The following PLCE1 variants were observed in gnomAD, a reference collection of about 807,000 sequenced individuals.
PLCE1 encodes the protein phospholipase C epsilon 1, also known as 1-phosphatidylinositol 4,5-bisphosphate phosphodiesterase epsilon-1.
Under a neutral mutation model 242.8 loss-of-function variants are expected in PLCE1, and 119 were observed. The ratio of observed to expected loss-of-function variants is 0.49; its 90% confidence interval spans 0.42 to 0.57. The LOEUF is 0.57. Among genes scored for constraint, PLCE1 ranks in the 20% least tolerant of loss-of-function variants. PLCE1 has a pLI of 0.00. For missense variants in PLCE1, 2,441 were observed against 2,788.8 expected, an observed-to-expected ratio of 0.88 and a Z score of 2.81; for synonymous variants, 945 against 1,017.4, an observed-to-expected ratio of 0.93 and a Z score of 1.35.
intron 2 of PLCE1, among the ~76,000 whole-genome samples, chr10:94,101,656 C>T (rs1343955134): frequency 6.6e-6 from 1 of 152,294 alleles, no homozygotes; most frequent in East Asian, 1.9e-4. Context: ...CAGTGGCTGG[C>T]ACAGGAAGAT....
At chr10:94,073,643 T>G (rs1325326876) in intron 2 of PLCE1, among the ~76,000 whole-genome samples, 7 of 152,242 alleles carry the variant, frequency 4.6e-5, no homozygotes, top group Admixed American at 4.6e-4. Context: ...ATGGCAATAC[T>G]GGGCACATGT....
chr10:94,241,789 GAAA>G (rs772085555), intron 7 of PLCE1, among the ~76,000 whole-genome samples: 5 of 67,132 alleles, frequency 7.4e-5, no homozygotes, highest in South Asian at 4.7e-4. Flanking sequence ...TCCATCTCCA[GAAA>G]AAAAAAAAAA....
At chr10:94,051,959 A>G (rs2043777554) in intron 2 of PLCE1, among the ~76,000 whole-genome samples, 1 of 152,220 alleles carries the variant, frequency 6.6e-6, no homozygotes, top group Non-Finnish European at 1.5e-5. Flanking sequence ...AAGTGAACAA[A>G]CAGTTCATTG....
intron 2 of PLCE1, among the ~76,000 whole-genome samples, chr10:94,127,205 C>T (rs2046459968): frequency 6.6e-6 from 1 of 152,146 alleles, no homozygotes; most frequent in Admixed American, 6.6e-5. Context: ...CAAAACGTAC[C>T]GACTTTTCAC....
intron 4 of PLCE1, among the ~76,000 whole-genome samples, chr10:94,204,713 AAAG>A (rs1171523321): frequency 2.0e-5 from 3 of 150,210 alleles, no homozygotes; most frequent in African/African-American, 4.9e-5. Flanking sequence ...GGAAGGAAGA[AAAG>A]AAGGAAGGAA....
At chr10:94,049,691 A>G (rs1236507596) in intron 2 of PLCE1, among the ~76,000 whole-genome samples, 1 of 152,180 alleles carries the variant, frequency 6.6e-6, no homozygotes, top group South Asian at 2.1e-4. Flanking sequence ...AATGTATTTC[A>G]CAAAGTAAAC....
At chr10:94,137,700 T>C (rs1223231663) in intron 3 of PLCE1, 1 of 168,984 alleles carries the variant, frequency 5.9e-6, no homozygotes, top group Non-Finnish European at 1.3e-5. Flanking sequence ...ATGGACCTGC[T>C]GAGGCCAGCA....
chr10:94,294,140 A>T (rs946508363), intron 23 of PLCE1, among the ~76,000 whole-genome samples: 12 of 152,120 alleles, frequency 7.9e-5, no homozygotes, highest in South Asian at 4.1e-4. Context: ...AATAAAAATA[A>T]CATTTCACTG....
In PLCE1 at chr10:94,236,207, A is replaced by C. The variant is rs1318901439; in HGVS notation, c.2420+87A>C. ...GTTTCCTACTTCAGCTTAGTTTCAG[A>C]TGGACACCTCATCAAAACCTGCCAC... On this transcript the variant is annotated intron_variant, in intron 7 of 32. Coordinates refer to ENST00000371380, the MANE Select transcript of PLCE1 (RefSeq NM_016341.4). 23 of 1,094,358 alleles carry C rather than the reference A, an allele frequency of 2.1e-5. 1 individual carries two copies. The highest frequency in any genetic ancestry group is 3.1e-5 in the African/African-American group (2 of 64,414). 67.8% of individuals were successfully genotyped at this position (1,094,358 alleles called of 1,614,324 possible).
chr10:94,032,409 C>A (rs765713501), intron 2 of PLCE1, among the ~76,000 whole-genome samples, 157 bp downstream of exon 2: 14 of 152,000 alleles, frequency 9.2e-5, no homozygotes, highest in Admixed American at 3.3e-4. Flanking sequence ...ACAGATACTC[C>A]AATTGATAGC....
intron 2 of PLCE1, among the ~76,000 whole-genome samples, chr10:94,047,977 A>G (rs183264500): frequency 6.6e-6 from 1 of 152,352 alleles, no homozygotes; most frequent in East Asian, 1.9e-4. Context: ...TGTCAAAAAA[A>G]ACTTCAGATT....
intron 2 of PLCE1, among the ~76,000 whole-genome samples, chr10:94,065,684 T>C (rs2044177688): frequency 6.6e-6 from 1 of 152,214 alleles, no homozygotes; most frequent in Admixed American, 6.5e-5. Context: ...AGGCCTTTAA[T>C]TAATGTTTTC....
At chr10:94,121,367 C>G (rs1322661270) in intron 2 of PLCE1, among the ~76,000 whole-genome samples, 1 of 152,172 alleles carries the variant, frequency 6.6e-6, no homozygotes, top group East Asian at 1.9e-4. Context: ...CAAACTATCC[C>G]TGAGCATAGG....
At chr10:94,116,804 G>C (rs932573335) in intron 2 of PLCE1, among the ~76,000 whole-genome samples, 1 of 152,180 alleles carries the variant, frequency 6.6e-6, no homozygotes, top group Admixed American at 6.5e-5. Context: ...GCCAGTAATG[G>C]CCATGCCCTT....
intron 2 of PLCE1, among the ~76,000 whole-genome samples, chr10:94,115,083 C>A (rs2046080447): frequency 6.6e-6 from 1 of 151,454 alleles, no homozygotes; most frequent in Non-Finnish European, 1.5e-5. Context: ...CATGTCCCTA[C>A]AAAGGACATG....
chr10:94,291,532 C>G (rs1020339879), intron 22 of PLCE1, among the ~76,000 whole-genome samples: 4 of 152,184 alleles, frequency 2.6e-5, no homozygotes, highest in Non-Finnish European at 5.9e-5. Context: ...ATGACCTTGA[C>G]TTGAACAGTT....
At chr10:94,085,858 G>A (rs2044804008) in intron 2 of PLCE1, among the ~76,000 whole-genome samples, 1 of 152,158 alleles carries the variant, frequency 6.6e-6, no homozygotes, top group Non-Finnish European at 1.5e-5. Context: ...GTCTTCATTT[G>A]GCCATTGTGC....
chr10:94,068,556 T>C (rs1279443897), intron 2 of PLCE1, among the ~76,000 whole-genome samples: 1 of 152,130 alleles, frequency 6.6e-6, no homozygotes, highest in East Asian at 1.9e-4. Context: ...AACTTAAGCA[T>C]GTGGATTTGG....
chr10:94,135,111 A>G (rs1487909182), intron 3 of PLCE1, among the ~76,000 whole-genome samples: 1 of 152,240 alleles, frequency 6.6e-6, no homozygotes, highest in African/African-American at 2.4e-5. Flanking sequence ...AAAATGCATT[A>G]GAAAACCAGA....
Sources: allele counts gnomAD v4.1 joint callset (sites outside exome capture counted in the v4.1 genomes callset), GRCh38; gene constraint gnomAD v4.1.1; transcripts MANE v1.5; gene names NCBI Gene and HGNC (gene_info 2026-07-23, HGNC 2026-07-21).